The following EYS variants were observed in gnomAD, a reference collection of about 807,000 sequenced individuals.
EYS encodes protein eyes shut homolog.
In EYS, 250 loss-of-function variants were observed where a neutral mutation model predicts 282.1. That is an observed-to-expected ratio of 0.89 (90% confidence interval 0.80 to 0.98). The LOEUF (loss-of-function observed/expected upper bound fraction) is 0.98. Ranked by LOEUF, EYS falls within the 50% of genes least tolerant of loss-of-function variation. The pLI is 0.00. For synonymous variants in EYS, 1,355 were observed against 1,282.9 expected (o/e 1.06, Z -1.20); for missense variants, 4,016 against 3,709.0 (o/e 1.08, Z -2.15).
At chr6:65,185,661 T>C (rs36031739) in intron 12 of EYS, among the ~76,000 whole-genome samples, 5 of 151,818 alleles carry the variant, frequency 3.3e-5, no homozygotes, top group Non-Finnish European at 7.4e-5. Flanking sequence ...CTAGGCTCTG[T>C]TATATTTCTA....
intron 31 of EYS, among the ~76,000 whole-genome samples, chr6:64,162,412 A>G (rs1477648251): frequency 6.6e-6 from 1 of 152,154 alleles, no homozygotes; most frequent in Non-Finnish European, 1.5e-5. Context: ...AGGAAACCCC[A>G]GGAGTTTTCA....
intron 2 of EYS, among the ~76,000 whole-genome samples, chr6:65,521,548 A>G (rs1767372742): frequency 6.6e-6 from 1 of 152,166 alleles, no homozygotes; most frequent in Non-Finnish European, 1.5e-5. Context: ...CCTCTATCCC[A>G]TATCTTAGTC....
chr6:65,216,725 T>C (rs1164641092), intron 12 of EYS, among the ~76,000 whole-genome samples: 1 of 151,780 alleles, frequency 6.6e-6, no homozygotes, highest in Admixed American at 6.6e-5. Context: ...ATCTGATATA[T>C]AAACAATAAA....
intron 31 of EYS, among the ~76,000 whole-genome samples, chr6:64,162,922 T>G (rs1297943728): frequency 6.6e-6 from 1 of 152,128 alleles, no homozygotes; most frequent in Non-Finnish European, 1.5e-5. Flanking sequence ...ATTCATGTAT[T>G]AATTCATTTA....
At chr6:63,847,970 A>C (rs1772142710) in intron 36 of EYS, among the ~76,000 whole-genome samples, 1 of 152,252 alleles carries the variant, frequency 6.6e-6, no homozygotes, top group Non-Finnish European at 1.5e-5. Flanking sequence ...TGGGAAAATC[A>C]AAACAAACCG....
At chr6:64,716,745 G>C (rs896725888) in intron 22 of EYS, among the ~76,000 whole-genome samples, 6 of 152,158 alleles carry the variant, frequency 3.9e-5, no homozygotes, top group African/African-American at 1.4e-4. Context: ...TTCAGTAATT[G>C]CTTCTGTTCT....
intron 12 of EYS, among the ~76,000 whole-genome samples, chr6:65,233,313 C>T (rs1167112758): frequency 6.6e-6 from 1 of 151,966 alleles, no homozygotes; most frequent in Non-Finnish European, 1.5e-5. Flanking sequence ...CATTACCCAC[C>T]CCTCCATCTG....
chr6:65,101,211 C>G (rs1281818086), intron 12 of EYS, among the ~76,000 whole-genome samples: 1 of 150,978 alleles, frequency 6.6e-6, no homozygotes, highest in African/African-American at 2.4e-5. Context: ...TTCAAGTAAG[C>G]CTTAGTTTGA....
intron 16 of EYS, among the ~76,000 whole-genome samples, chr6:64,908,451 C>G (rs1470985351): frequency 6.6e-6 from 1 of 152,038 alleles, no homozygotes; most frequent in Non-Finnish European, 1.5e-5. Flanking sequence ...CATGGGGTGG[C>G]TGCCCTTTGC....
intron 26 of EYS, among the ~76,000 whole-genome samples, chr6:64,589,908 G>A (rs1204385780): frequency 3.9e-5 from 6 of 152,022 alleles, no homozygotes; most frequent in Admixed American, 1.3e-4. Context: ...TTCAAGAAAT[G>A]AGAATAATAA....
intron 33 of EYS, among the ~76,000 whole-genome samples, chr6:64,015,130 C>A (rs1330185895): frequency 6.6e-6 from 1 of 152,042 alleles, no homozygotes; most frequent in Non-Finnish European, 1.5e-5. Context: ...GAATAAGTAA[C>A]CATGATGATG....
At chr6:64,191,561 G>A (rs1232772219) in intron 31 of EYS, among the ~76,000 whole-genome samples, 1 of 149,728 alleles carries the variant, frequency 6.7e-6, no homozygotes, top group Non-Finnish European at 1.5e-5. Context: ...TCCCACCTAT[G>A]GGTGAGAATA....
intron 12 of EYS, among the ~76,000 whole-genome samples, chr6:65,207,944 C>A (rs1039705699): frequency 7.3e-5 from 11 of 151,520 alleles, no homozygotes; most frequent in African/African-American, 2.4e-4. Context: ...AGGAAAACCA[C>A]ATTGGCCTAA....
At chr6:64,703,982 G>A (rs1219827016) in intron 22 of EYS, among the ~76,000 whole-genome samples, 1 of 151,870 alleles carries the variant, frequency 6.6e-6, no homozygotes, top group African/African-American at 2.4e-5. Flanking sequence ...TTTCAATGTG[G>A]TTCCATATGT....
Position 64,103,509 on chromosome 6 carries a change from A to G in EYS, c.6425-21507T>C, listed in dbSNP as rs3003667. The stretch of plus-strand genomic sequence containing the variant: ...AGAACATGAGCAAGGGGAGCAATGT[A>G]GCAACCTGGAAGGTACATTGAGAAA... On this transcript the variant is annotated intron_variant, in intron 31 of 42. Transcript: ENST00000503581. Among the ~76,000 whole-genome samples, 443 of 152,294 alleles carry G rather than the reference A, an allele frequency of 2.9e-3. 2 individuals carry two copies. The highest frequency in any genetic ancestry group is 0.01 in the African/African-American group (419 of 41,560).
chr6:63,985,178 G>A (rs931420559), intron 34 of EYS, among the ~76,000 whole-genome samples: 1 of 151,622 alleles, frequency 6.6e-6, no homozygotes, highest in African/African-American at 2.4e-5. Flanking sequence ...GTCTTTTTAG[G>A]ACTTTTATAA....
At chr6:65,504,494 G>A (rs139621165) in intron 2 of EYS, among the ~76,000 whole-genome samples, 1 of 151,872 alleles carries the variant, frequency 6.6e-6, no homozygotes, top group African/African-American at 2.4e-5. Flanking sequence ...TTGGAGGAAA[G>A]TATCCATTTT....
At chr6:64,918,351 A>T (rs1768228887) in intron 15 of EYS, among the ~76,000 whole-genome samples, 1 of 152,184 alleles carries the variant, frequency 6.6e-6, no homozygotes, top group Non-Finnish European at 1.5e-5. Context: ...AGTAATAGCA[A>T]GGCAAAGTTG....
intron 31 of EYS, among the ~76,000 whole-genome samples, chr6:64,144,492 G>A (rs1239699158): frequency 6.6e-6 from 1 of 152,152 alleles, no homozygotes; most frequent in African/African-American, 2.4e-5. Flanking sequence ...GGCCCAGAGT[G>A]TGCTTGGAGG....
Sources: gnomAD v4.1 joint callset for allele counts (sites outside exome capture counted in the v4.1 genomes callset) on GRCh38, gnomAD v4.1.1 for gene constraint, MANE v1.5 for transcripts, NCBI Gene and HGNC (gene_info 2026-07-23, HGNC 2026-07-21) for gene names.